The following KCNMA1 variants were observed in gnomAD, a reference collection of about 807,000 sequenced individuals.
KCNMA1 encodes the protein potassium calcium-activated channel subfamily M alpha 1, also known as Calcium-activated potassium channel subunit alpha-1.
In KCNMA1, 29 loss-of-function variants were observed where a neutral mutation model predicts 140.0. The ratio of observed to expected loss-of-function variants is 0.21; its 90% CI spans 0.15 to 0.28. KCNMA1 has a LOEUF of 0.28. Among genes scored for constraint, KCNMA1 ranks in the 10% least tolerant of loss-of-function variants. KCNMA1 has a pLI of 1.00. For missense variants in KCNMA1, 880 were observed against 1,602.2 expected, an observed-to-expected ratio of 0.55 and a Z score of 7.70; for synonymous variants, 612 against 611.9, an observed-to-expected ratio of 1.00 and a Z score of 0.00.
intron 5 of KCNMA1, among the ~76,000 whole-genome samples, chr10:77,128,615 G>A (rs1028525985): frequency 1.3e-5 from 2 of 151,926 alleles, no homozygotes; most frequent in Non-Finnish European, 2.9e-5. Flanking sequence ...AGCCATCCAG[G>A]TTAAGAAGCA....
rs566134799 is a variant in KCNMA1, at chr10:77,284,137, G to A, written c.541-32881C>T. 3.3e-5 allele frequency among the ~76,000 whole-genome samples: 5 copies of A among 152,300 alleles called. No homozygotes were observed. The South Asian group carries it at 1.0e-3, about 32-fold the overall frequency. On this transcript the variant is annotated intron_variant, in intron 2 of 27. Coordinates refer to ENST00000286628, the MANE Select transcript of KCNMA1 (RefSeq NM_001161352.2). ...AGGGCTGGACACTGAGGGTGAGAGTGAAATGCAGCATTGGGGAAGAGAAAG... is the reference window on the plus strand; with the variant it reads ...AGGGCTGGACACTGAGGGTGAGAGTAAAATGCAGCATTGGGGAAGAGAAAG...
chr10:76,887,836 G>A lies in KCNMA1; in HGVS notation c.3462-321C>T, dbSNP rs1042962702. On this transcript the variant is annotated intron_variant, in intron 27 of 27. Transcript: ENST00000286628. ...AAAGTCACTTTCAAGTAGCCCAACC[G>A]CAAGAGGTTTCATGAAGTGTGATGC... 4 of 372,528 alleles carry A rather than the reference G, an allele frequency of 1.1e-5. No homozygotes were observed. In the Admixed American group the frequency reaches 1.2e-4, roughly 11 times the overall value. 23.1% of individuals were successfully genotyped at this position (372,528 alleles called of 1,614,324 possible). A position where few individuals can be genotyped will look rare whatever the true frequency, so the allele number is the denominator to read the frequency against.
intron 23 of KCNMA1, among the ~76,000 whole-genome samples, chr10:76,926,525 G>A (rs1312324768): frequency 1.3e-5 from 2 of 152,102 alleles, no homozygotes; most frequent in Non-Finnish European, 2.9e-5. Context: ...AAACACATGG[G>A]TTTTAGTCCC....
intron 1 of KCNMA1, among the ~76,000 whole-genome samples, chr10:77,631,923 C>T (rs1422916849): frequency 2.6e-5 from 4 of 152,134 alleles, no homozygotes; most frequent in Admixed American, 6.5e-5. Context: ...CTAGGAAATG[C>T]TATAAAATGG....
intron 19 of KCNMA1, among the ~76,000 whole-genome samples, chr10:76,998,633 A>G (rs376804135): frequency 6.6e-6 from 1 of 152,112 alleles, no homozygotes; most frequent in South Asian, 2.1e-4. Context: ...TTCTCCTGCC[A>G]TTTCTAATTG....
chr10:77,636,227 G>A (rs2093708351), intron 1 of KCNMA1: 2 of 1,430,246 alleles, frequency 1.4e-6, no homozygotes, highest in South Asian at 1.5e-5. Flanking sequence ...TTTTTATTCT[G>A]CAGTTTTCTA....
At chr10:77,191,326 T>C (rs1412693214) in intron 3 of KCNMA1, among the ~76,000 whole-genome samples, 3 of 152,210 alleles carry the variant, frequency 2.0e-5, no homozygotes, top group Admixed American at 6.6e-5. Context: ...TGACATGATA[T>C]GAATTCATCA....
intron 3 of KCNMA1, among the ~76,000 whole-genome samples, chr10:77,186,148 C>T (rs1565079236): frequency 6.6e-6 from 1 of 152,086 alleles, no homozygotes; most frequent in Non-Finnish European, 1.5e-5. Flanking sequence ...GAACTCGGGG[C>T]CCACTTAGAG....
intron 18 of KCNMA1, among the ~76,000 whole-genome samples, chr10:77,003,300 G>A (rs139691759): frequency 7.8e-6 from 1 of 128,524 alleles, no homozygotes; most frequent in Non-Finnish European, 1.7e-5. Context: ...TTGAGCTTTA[G>A]CTTTTACCAA....
intron 14 of KCNMA1, among the ~76,000 whole-genome samples, chr10:77,055,700 C>G (rs1165746132): frequency 6.6e-6 from 1 of 152,116 alleles, no homozygotes; most frequent in Admixed American, 6.5e-5. Flanking sequence ...TCTCTCTGCC[C>G]TTCTACCAGT....
rs201649633 is a variant in KCNMA1, at chr10:77,593,752, C to CTTCTTTCT, written c.378+43512_378+43513insAGAAAGAA. ...GACTCAATGCCTCATCTTCTTTCTG[C>CTTCTTTCT]TGCTTGGTGCTGTCTTTGCTACTCC... On this transcript the variant is annotated intron_variant, in intron 1 of 27. Coordinates refer to ENST00000286628, the MANE Select transcript of KCNMA1 (RefSeq NM_001161352.2). Among the ~76,000 whole-genome samples the CTTCTTTCT allele has an allele frequency of 5.2e-3, 797 of 152,308 alleles. 8 individuals carry two copies. Among genetic ancestry groups the CTTCTTTCT allele is most frequent in the South Asian group, 0.025 (121 of 4,824 alleles).
At chr10:77,173,479 A>T (rs1212115197) in intron 5 of KCNMA1, among the ~76,000 whole-genome samples, 1 of 152,100 alleles carries the variant, frequency 6.6e-6, no homozygotes, top group Non-Finnish European at 1.5e-5. Context: ...TGAGACAATT[A>T]TATACTGTAT....
chr10:77,102,152 A>C (rs1595973512), intron 9 of KCNMA1, among the ~76,000 whole-genome samples: 1 of 152,228 alleles, frequency 6.6e-6, no homozygotes, highest in East Asian at 1.9e-4. Context: ...ATGGATGGAC[A>C]TGAAGGCATG....
At chr10:77,362,882 C>CA in intron 2 of KCNMA1, among the ~76,000 whole-genome samples, 1 of 152,210 alleles carries the variant, frequency 6.6e-6, no homozygotes, top group Non-Finnish European at 1.5e-5. Flanking sequence ...AGCCATCCCA[C>CA]AAGCAGGCTG....
At chr10:76,994,268 C>T (rs1245756182) in intron 19 of KCNMA1, among the ~76,000 whole-genome samples, 4 of 152,200 alleles carry the variant, frequency 2.6e-5, no homozygotes, top group Non-Finnish European at 5.9e-5. Context: ...CAGCAGTTAC[C>T]ACATAATAAG....
chr10:76,977,862 A>G (rs2078151051), intron 19 of KCNMA1: 1 of 517,312 alleles, frequency 1.9e-6, no homozygotes, highest in Non-Finnish European at 3.4e-6. Context: ...AGTACTTTGG[A>G]AAGCAAGGCG....
intron 1 of KCNMA1, among the ~76,000 whole-genome samples, chr10:77,481,302 T>C (rs1454332858): frequency 1.3e-5 from 2 of 152,130 alleles, no homozygotes; most frequent in African/African-American, 4.8e-5. Context: ...AATAAATAAA[T>C]GAACAAATAA....
intron 13 of KCNMA1, among the ~76,000 whole-genome samples, chr10:77,076,327 T>C (rs1011457374): frequency 5.9e-5 from 9 of 152,134 alleles, no homozygotes; most frequent in African/African-American, 2.2e-4. Flanking sequence ...TCCAAGAAGT[T>C]ATAAACCAAT....
intron 3 of KCNMA1, among the ~76,000 whole-genome samples, chr10:77,198,592 T>G (rs1425119889): frequency 6.8e-6 from 1 of 147,630 alleles, no homozygotes; most frequent in Admixed American, 6.8e-5. Flanking sequence ...TATATATATA[T>G]ATTTCTTAAC....
Sources: gnomAD v4.1 joint callset for allele counts (sites outside exome capture counted in the v4.1 genomes callset) on GRCh38, gnomAD v4.1.1 for gene constraint, MANE v1.5 for transcripts, NCBI Gene and HGNC (gene_info 2026-07-23, HGNC 2026-07-21) for gene names.